Variants in SLC13A5 observed in about 807,000 individuals in gnomAD.
SLC13A5 encodes the protein Na(+)/citrate cotransporter.
SLC13A5 carries 25 observed loss-of-function variants against 56.5 expected under a neutral mutation model. That is an observed-to-expected ratio of 0.44 (90% CI 0.32 to 0.62). The LOEUF (loss-of-function observed/expected upper bound fraction) is 0.62. Ranked by LOEUF, SLC13A5 falls within the 20% of genes least tolerant of loss-of-function variation. SLC13A5 has a pLI of 0.04. For synonymous variants in SLC13A5, 307 were observed against 301.5 expected, an observed-to-expected ratio of 1.02 and a Z score of -0.19; for missense variants, 649 against 737.8, an observed-to-expected ratio of 0.88 and a Z score of 1.39.
intron 11 of SLC13A5, chr17:6,686,838 G>T: frequency 6.3e-6 from 1 of 157,852 alleles, no homozygotes; most frequent in African/African-American, 2.4e-5. Flanking sequence ...GCAGTCCATG[G>T]TTTCTGGGAC....
chr17:6,700,475 G>A (rs187536860), intron 6 of SLC13A5, among the ~76,000 whole-genome samples: 2 of 152,344 alleles, frequency 1.3e-5, no homozygotes, highest in Admixed American at 6.5e-5. Flanking sequence ...ACAGGTTTGC[G>A]GTGACCTGGC....
At chr17:6,699,089 A>AAATAAAT (rs201575422) in intron 6 of SLC13A5, among the ~76,000 whole-genome samples, 3 of 84,362 alleles carry the variant, frequency 3.6e-5, no homozygotes, top group East Asian at 4.8e-4. Context: ...ATAAATAAAT[A>AAATAAAT]AAATAAAATA....
Position 6,687,662 on chromosome 17 carries a change from C to T in SLC13A5, c.1442G>A (p.Arg481His), listed in dbSNP as rs762789388. The T allele has an allele frequency of 4.0e-5, 63 of 1,593,878 alleles. No individual in the cohort carries two copies. The highest frequency in any genetic ancestry group is 7.2e-5 in the Admixed American group (4 of 55,478). Reference sequence around the variant, plus strand: ...GTACAGCGGATTGAGGCCGATGGAGCGAGACTGCGGAAAAACAGCACTGCA... The same window carrying T: ...GTACAGCGGATTGAGGCCGATGGAGTGAGACTGCGGAAAAACAGCACTGCA... The part of the protein sequence containing the change: ...LFLPIFASMS[R>H]SIGLNPLYIM... The change falls in exon 11 of 12, where the codon CGC becomes CAC. Residue 481 changes from arginine (R) to histidine (H), a missense_variant. Arg to His is a conservative substitution (Grantham distance 29). Coordinates refer to ENST00000433363, the MANE Select transcript of SLC13A5 (RefSeq NM_177550.5). The surrounding 1 kb of genome is among the most constrained non-coding windows in gnomAD (Gnocchi z 5.0).
At chr17:6,707,977 TG>T (rs1159433002) in intron 1 of SLC13A5, among the ~76,000 whole-genome samples, 6 of 113,524 alleles carry the variant, frequency 5.3e-5, no homozygotes, top group Non-Finnish European at 1.2e-4. Flanking sequence ...CAGTATTTTT[TG>T]TGTGTGTGTG....
chr17:6,696,045 A>G (rs1201501072), intron 6 of SLC13A5, 104 bp from the exon 7 acceptor site: 2 of 1,084,066 alleles, frequency 1.8e-6, no homozygotes, highest in Non-Finnish European at 2.7e-6. Flanking sequence ...AAAAAGACAC[A>G]TAATGCTGTC....
In SLC13A5 at chr17:6,695,929, G is replaced by A; in HGVS notation, c.852C>T (p.Ser284=). The A allele has an allele frequency of 3.1e-6, 5 of 1,613,872 alleles. No individual in the cohort carries two copies. Among genetic ancestry groups the A allele is most frequent in the Non-Finnish European group, 4.2e-6 (5 of 1,180,000 alleles). ...FVYMRFNFKK[S]WGCGLESKKN... is the part of the protein sequence containing the mutation. ...TCTTGCTCTCTAGCCCGCAGCCCCA[G>A]GACTTTTTAAAACTGGAGAATGCAA... Residue 284 remains serine, a synonymous_variant, in exon 7 of 12, where the codon TCC becomes TCT. Coordinates refer to ENST00000433363, the MANE Select transcript of SLC13A5 (RefSeq NM_177550.5).
At chr17:6,690,284 G>A (rs1412240097) in intron 10 of SLC13A5, among the ~76,000 whole-genome samples, 2 of 151,984 alleles carry the variant, frequency 1.3e-5, no homozygotes, top group Non-Finnish European at 2.9e-5. Context: ...GGAGTCCTCA[G>A]TCATGTGCAC....
intron 6 of SLC13A5, among the ~76,000 whole-genome samples, chr17:6,697,809 C>A (rs905109899): frequency 9.2e-5 from 14 of 152,188 alleles, no homozygotes; most frequent in Non-Finnish European, 1.9e-4. Context: ...GGTCTGGCCC[C>A]TTTGGCTAGA....
chr17:6,690,719 C>A, intron 10 of SLC13A5, 60 bp downstream of exon 10: 2 of 1,610,172 alleles, frequency 1.2e-6, no homozygotes, highest in Non-Finnish European at 1.7e-6. Context: ...CAGGGACCCA[C>A]AATATGGCCA....
At chr17:6,697,441 C>T (rs761691726) in intron 6 of SLC13A5, among the ~76,000 whole-genome samples, 3 of 152,338 alleles carry the variant, frequency 2.0e-5, no homozygotes, top group Admixed American at 6.5e-5. Context: ...CAGAGTCTCT[C>T]GTGCTGAGCA....
chr17:6,702,237 C>A (rs1178867847), intron 5 of SLC13A5, among the ~76,000 whole-genome samples: 1 of 152,114 alleles, frequency 6.6e-6, no homozygotes, highest in African/African-American at 2.4e-5. Flanking sequence ...TTAGTACATA[C>A]CTCAATTAGT....
At chr17:6,691,307 AGCCCAGCAGGCTGGGAGTCATGCT>A (rs1463179305) in intron 9 of SLC13A5, among the ~76,000 whole-genome samples, 4 of 152,132 alleles carry the variant, frequency 2.6e-5, no homozygotes, top group South Asian at 2.1e-4. Flanking sequence ...CCAGCCATCC[AGCCCAGCAGGCTGGGAGTCATGCT>A]GCCGGTCTCT....
chr17:6,701,146 C>T lies in SLC13A5; in HGVS notation c.717-20G>A, dbSNP rs777013140. ...AACAACCTACAAGAAGACACCGGCC[C>T]CCACCTCAGATGCTGAGCTGTGGGA... On this transcript the variant is annotated intron_variant, in intron 5 of 11. Coordinates refer to ENST00000433363, the MANE Select transcript of SLC13A5 (RefSeq NM_177550.5). This position sits in a 1 kb window ranked among gnomAD's most constrained non-coding sequence, Gnocchi z 4.1. The T allele has an allele frequency of 3.1e-6, 5 of 1,613,044 alleles. No individual in the cohort carries two copies. Among genetic ancestry groups the T allele is most frequent in the Non-Finnish European group, 2.5e-6 (3 of 1,179,598 alleles).
At chr17:6,690,593 G>A (rs2150964529) in intron 10 of SLC13A5, among the ~76,000 whole-genome samples, 186 bp downstream of exon 10, 1 of 152,304 alleles carries the variant, frequency 6.6e-6, no homozygotes, top group East Asian at 1.9e-4. Flanking sequence ...AAAGAGGAGT[G>A]GCAAAGCAGT....
At chr17:6,698,482 C>G (rs1973619024) in intron 6 of SLC13A5, among the ~76,000 whole-genome samples, 1 of 152,190 alleles carries the variant, frequency 6.6e-6, no homozygotes, top group Non-Finnish European at 1.5e-5. Flanking sequence ...TAGGGCAGCC[C>G]CGGCCCCAAC....
At position 6,701,610 on chromosome 17, in the gene SLC13A5, T is replaced by G. The variant is rs1264018067; in HGVS notation, c.717-484A>C. Among the ~76,000 whole-genome samples, 6 of 152,106 alleles carry G rather than the reference T, an allele frequency of 3.9e-5. No individual in the cohort carries two copies. Among genetic ancestry groups the G allele is most frequent in the Admixed American group, 3.9e-4 (6 of 15,280 alleles). Reference sequence around the variant, plus strand: ...CTGTAATCCCAGCTAATAGGGAGGCTGAAGCGGGAGAATCGCTTGAACCCA... The same window carrying G: ...CTGTAATCCCAGCTAATAGGGAGGCGGAAGCGGGAGAATCGCTTGAACCCA... On this transcript the variant is annotated intron_variant, in intron 5 of 11. Coordinates refer to ENST00000433363, the MANE Select transcript of SLC13A5 (RefSeq NM_177550.5). This position sits in a 1 kb window ranked among gnomAD's most constrained non-coding sequence, Gnocchi z 4.1.
chr17:6,701,232 G>A lies in SLC13A5; in HGVS notation c.717-106C>T. 6.7e-7 allele frequency: 1 copy of A among 1,484,370 alleles called. No individual in the cohort carries two copies. The highest frequency in any genetic ancestry group is 9.1e-7 in the Non-Finnish European group (1 of 1,098,740). The allele number at this position is 1,484,370 out of a possible 1,614,324, so 91.9% of individuals were successfully genotyped here. A position where few individuals can be genotyped will look rare whatever the true frequency, so the allele number is the denominator to read the frequency against. ...GCTGGGCCCTGAGAGGCGCGCCTGT[G>A]TGGAGGCCACATCCTCCTGAGGTCT... On this transcript the variant is annotated intron_variant, in intron 5 of 11. Coordinates refer to ENST00000433363, the MANE Select transcript of SLC13A5 (RefSeq NM_177550.5). This position sits in a 1 kb window ranked among gnomAD's most constrained non-coding sequence, Gnocchi z 4.1.
At chr17:6,710,110 C>A (rs541811543) in intron 1 of SLC13A5, among the ~76,000 whole-genome samples, 1 of 152,210 alleles carries the variant, frequency 6.6e-6, no homozygotes, top group Non-Finnish European at 1.5e-5. Flanking sequence ...ATATGATTGG[C>A]GCCCACTGTC....
Position 6,694,122 on chromosome 17 carries a change from AAACTTGG to A in SLC13A5, c.1124_1130del (p.Pro375LeufsTer25). The A allele has an allele frequency of 6.2e-7, 1 of 1,613,610 alleles. No homozygotes were observed. The highest frequency in any genetic ancestry group is 8.5e-7 in the Non-Finnish European group (1 of 1,179,728). On this transcript the variant is annotated frameshift_variant, in exon 8 of 12. Transcript: ENST00000433363. LOFTEE classifies it high-confidence loss of function. ...CTTCCTCAGTCTGGCTGCGGAAGTTAAACTTGGGCTTCTGTGAAGGCACAATGAATAG... is the reference window on the plus strand; with the variant it reads ...CTTCCTCAGTCTGGCTGCGGAAGTTAGCTTCTGTGAAGGCACAATGAATAG...
Sources: gnomAD v4.1 joint callset for allele counts (sites outside exome capture counted in the v4.1 genomes callset) on GRCh38, gnomAD v4.1.1 for gene constraint, Gnocchi (gnomAD v3.1) non-coding constraint, MANE v1.5 for transcripts, NCBI Gene and HGNC (gene_info 2026-07-23, HGNC 2026-07-21) for gene names.